YEATS2: variants seen among roughly 807,000 people sequenced by gnomAD.
The protein encoded by YEATS2 is YEATS domain-containing protein 2.
In YEATS2, 77 loss-of-function variants were observed where a neutral mutation model predicts 163.2. The ratio of observed to expected loss-of-function variants is 0.47; its 90% CI spans 0.39 to 0.57. The LOEUF (loss-of-function observed/expected upper bound fraction) is 0.57, where lower values mean the gene tolerates loss of function less well. Ranked by LOEUF, YEATS2 falls within the 20% of genes least tolerant of loss-of-function variation. The pLI is 0.00. For synonymous variants in YEATS2, 631 were observed against 645.1 expected (o/e 0.98, Z 0.33); for missense variants, 1,549 against 1,729.8 (o/e 0.90, Z 1.85).
intron 19 of YEATS2, among the ~76,000 whole-genome samples, chr3:183,784,069 C>G (rs1723826822): frequency 6.6e-6 from 1 of 152,120 alleles, no homozygotes; most frequent in Non-Finnish European, 1.5e-5. Flanking sequence ...CCATGGCCAG[C>G]TAACTTTTTA....
At chr3:183,792,427 A>AT (rs1159921964) in intron 21 of YEATS2, among the ~76,000 whole-genome samples, 2 of 152,130 alleles carry the variant, frequency 1.3e-5, no homozygotes, top group Non-Finnish European at 2.9e-5. Flanking sequence ...TCGTTTGCTG[A>AT]TGAGAATGAT....
At chr3:183,704,192 T>C (rs1358751918) in intron 1 of YEATS2, among the ~76,000 whole-genome samples, 1 of 151,736 alleles carries the variant, frequency 6.6e-6, no homozygotes, top group Admixed American at 6.6e-5. Flanking sequence ...ACAGTAGACT[T>C]GTGTAGTACA....
intron 17 of YEATS2, among the ~76,000 whole-genome samples, chr3:183,775,190 A>T (rs936653630): frequency 2.5e-4 from 38 of 152,188 alleles, no homozygotes; most frequent in African/African-American, 8.7e-4. Context: ...TGAGACAGGG[A>T]GACAACATCG....
intron 25 of YEATS2, chr3:183,801,747 T>C (rs1334592709): frequency 2.3e-6 from 1 of 440,514 alleles, no homozygotes; most frequent in East Asian, 3.9e-5. Flanking sequence ...AGGAATGTTT[T>C]ACATTTTTCA....
At chr3:183,735,273 A>G (rs1230957333) in intron 7 of YEATS2, among the ~76,000 whole-genome samples, 3 of 152,210 alleles carry the variant, frequency 2.0e-5, no homozygotes, top group Non-Finnish European at 4.4e-5. Context: ...ACTTCACATC[A>G]GTAGAATTTC....
intron 19 of YEATS2, among the ~76,000 whole-genome samples, chr3:183,778,605 C>T (rs2108421427): frequency 6.6e-6 from 1 of 152,262 alleles, no homozygotes; most frequent in East Asian, 1.9e-4. Context: ...ATCTGCCCGC[C>T]TCGGCCTCCG....
intron 11 of YEATS2, among the ~76,000 whole-genome samples, chr3:183,755,728 TCTTC>T (rs63647960): frequency 0.41 from 54,411 of 132,282 alleles, 13,157 homozygotes; most frequent in East Asian, 0.64. Context: ...TTACTGATTT[TCTTC>T]CTTCCTTTCT....
At chr3:183,786,030 C>T in intron 19 of YEATS2, 95 bp from the exon 20 acceptor site, 4 of 1,402,596 alleles carry the variant, frequency 2.9e-6, no homozygotes, top group Non-Finnish European at 2.9e-6. Flanking sequence ...TGGTTATTCT[C>T]CAAGTCATGG....
intron 21 of YEATS2, chr3:183,793,316 G>A: frequency 9.1e-7 from 1 of 1,099,984 alleles, no homozygotes; most frequent in African/African-American, 1.6e-5. Flanking sequence ...TGTTTGGATA[G>A]AGAACAAAAA....
intron 27 of YEATS2, chr3:183,806,468 G>A: frequency 4.4e-6 from 2 of 455,142 alleles, no homozygotes; most frequent in Non-Finnish European, 8.8e-6. Flanking sequence ...TAACAGTCCT[G>A]CTCTCTGAGC....
intron 21 of YEATS2, chr3:183,793,151 A>C (rs1054060403): frequency 7.8e-7 from 1 of 1,285,954 alleles, no homozygotes; most frequent in Admixed American, 2.3e-5. Context: ...GCACTGGTCT[A>C]CCGGAAAAAC....
In YEATS2 at chr3:183,760,944, A is replaced by G. The variant is rs574569205; in HGVS notation, c.1657-563A>G. On this transcript the variant is annotated intron_variant, in intron 13 of 30. Coordinates refer to ENST00000305135, the MANE Select transcript of YEATS2 (RefSeq NM_018023.5). ...ATAAAGTCAGCCAAATGTTAGGGGTAGTAAGTTAGAAGTCTTTCCAGTGTA... is the reference window on the plus strand; with the variant it reads ...ATAAAGTCAGCCAAATGTTAGGGGTGGTAAGTTAGAAGTCTTTCCAGTGTA... Among the ~76,000 whole-genome samples, 22 of 152,330 alleles carry G rather than the reference A, an allele frequency of 1.4e-4. No homozygotes were observed. In the East Asian group the frequency reaches 2.9e-3, roughly 20 times the overall value.
chr3:183,711,245 C>T (rs562457850), intron 1 of YEATS2, among the ~76,000 whole-genome samples: 15 of 151,764 alleles, frequency 9.9e-5, no homozygotes, highest in Non-Finnish European at 1.8e-4. Context: ...CCAAGGCGGG[C>T]GGATCACGAG....
intron 15 of YEATS2, 81 bp downstream of exon 15, chr3:183,762,360 C>T (rs1721454963): frequency 1.4e-6 from 2 of 1,469,744 alleles, no homozygotes; most frequent in Admixed American, 4.5e-5. Context: ...TGAAAAGATT[C>T]ACGGTGACAG....
chr3:183,734,081 T>C (rs1287969588), intron 7 of YEATS2, among the ~76,000 whole-genome samples: 4 of 152,192 alleles, frequency 2.6e-5, no homozygotes, highest in African/African-American at 9.7e-5. Flanking sequence ...TAGAGCAGCA[T>C]TGTCCAATAG....
intron 20 of YEATS2, among the ~76,000 whole-genome samples, chr3:183,787,521 A>G (rs1724177804): frequency 6.6e-6 from 1 of 152,026 alleles, no homozygotes; most frequent in Non-Finnish European, 1.5e-5. Context: ...ATCCATTTAC[A>G]TCCTTTGCCC....
At position 183,771,542 on chromosome 3, in the gene YEATS2, C is replaced by CTTTTTTTTTTTTTTTT. The variant is rs1722462151; in HGVS notation, c.1948-763_1948-762insTTTTTTTTTTTTTTTT. ...TTTTAATAGTTAAATATTATTCTTG[C>CTTTTTTTTTTTTTTTT]CTTTTTTTTTTTTTTTTTTTTTTCT... On this transcript the variant is annotated intron_variant, in intron 15 of 30. Transcript: ENST00000305135. Among the ~76,000 whole-genome samples the CTTTTTTTTTTTTTTTT allele has an allele frequency of 2.6e-4, 16 of 60,812 alleles. 2 individuals are homozygous for CTTTTTTTTTTTTTTTT. Among genetic ancestry groups the CTTTTTTTTTTTTTTTT allele is most frequent in the African/African-American group, 5.8e-4 (6 of 10,290 alleles). The allele number at this position is 60,812 out of a possible 152,430, so 39.9% of individuals were successfully genotyped here.
intron 15 of YEATS2, among the ~76,000 whole-genome samples, chr3:183,768,206 A>G (rs1049459381): frequency 1.3e-5 from 2 of 152,148 alleles, no homozygotes; most frequent in Non-Finnish European, 2.9e-5. Context: ...CATTCTCAAA[A>G]TTTGGCTTTC....
At chr3:183,803,856 C>T in intron 26 of YEATS2, 131 bp from the exon 27 acceptor site, 1 of 901,668 alleles carries the variant, frequency 1.1e-6, no homozygotes. Context: ...AGTAACACAA[C>T]CAGGTTTTTT....
Sources: gnomAD v4.1 joint callset for allele counts (sites outside exome capture counted in the v4.1 genomes callset) on GRCh38, gnomAD v4.1.1 for gene constraint, MANE v1.5 for transcripts, NCBI Gene and HGNC (gene_info 2026-07-23, HGNC 2026-07-21) for gene names.